The following OVOL2 variants were observed in gnomAD, a reference collection of about 807,000 sequenced individuals.
OVOL2 encodes transcription factor Ovo-like 2.
In OVOL2, 13 loss-of-function variants were observed where a neutral mutation model predicts 18.1. That is an observed-to-expected ratio of 0.72 (90% confidence interval 0.47 to 1.14). The LOEUF is 1.14. OVOL2 is among the 50% of genes most tolerant of loss of function. The probability of loss-of-function intolerance (pLI) is 0.00; values close to 1 mark genes in which losing one functional copy is unlikely to be tolerated. For synonymous variants in OVOL2, 166 were observed against 162.7 expected (o/e 1.02, Z -0.16); for missense variants, 335 against 383.0 (o/e 0.87, Z 1.05).
chr20:18,041,581 C>T lies in OVOL2; in HGVS notation c.464G>A (p.Gly155Asp), dbSNP rs771344382. 38 of 1,614,028 alleles carry T rather than the reference C, an allele frequency of 2.4e-5. No individual in the cohort carries two copies. The highest frequency in any genetic ancestry group is 3.2e-5 in the Non-Finnish European group (38 of 1,179,942). Reference protein sequence around the residue: ...KRHLCTFCGKGFNDTFDLKRH... With the variant: ...KRHLCTFCGKDFNDTFDLKRH... ...CTTCAGGTCGAAGGTGTCGTTGAAG[C>T]CCTTGCCGCAGAAGGTGCACAGGTG... The change falls in exon 3 of 4, where the codon GGC becomes GAC. Residue 155 changes from glycine to aspartate, a missense_variant. Gly to Asp is a moderately conservative substitution (Grantham distance 94). Transcript: ENST00000278780.
upstream of OVOL2, among the ~76,000 whole-genome samples, chr20:18,058,407 C>T (rs181052048): frequency 0.026 from 3,808 of 147,372 alleles, 159 homozygotes; most frequent in African/African-American, 0.093. Context: ...CTACAACACC[C>T]CCCCCCCATA....
At chr20:18,030,983 G>A (rs1167021925) in intron 3 of OVOL2, among the ~76,000 whole-genome samples, 1 of 152,146 alleles carries the variant, frequency 6.6e-6, no homozygotes, top group Non-Finnish European at 1.5e-5. Flanking sequence ...GGTGGCCAGA[G>A]AGGAGCCCTG....
chr20:18,056,707 C>G lies in OVOL2; in HGVS notation c.271G>C (p.Asp91His), dbSNP rs752711961. ...TPEPGDAEGP[D>H]GHLATKQRPV... ...CGCTGCTTGGTCGCCAGGTGTCCAT[C>G]GGGGCCCTCGGCGTCGCCGGGCTCG... Residue 91 changes from aspartate (D) to histidine (H), a missense_variant, in exon 2 of 4, where the codon GAT becomes CAT. Coordinates refer to ENST00000278780, the MANE Select transcript of OVOL2 (RefSeq NM_021220.4). This position sits in a 1 kb window ranked among gnomAD's most constrained non-coding sequence, Gnocchi z 4.2. 3 of 1,458,000 alleles carry G rather than the reference C, an allele frequency of 2.1e-6. No individual in the cohort carries two copies. The highest frequency in any genetic ancestry group is 2.7e-6 in the Non-Finnish European group (3 of 1,110,774). The allele number at this position is 1,458,000 out of a possible 1,614,324, so 90.3% of individuals were successfully genotyped here. A position where few individuals can be genotyped will look rare whatever the true frequency, so the allele number is the denominator to read the frequency against.
In OVOL2 at chr20:18,056,139, G is replaced by A. The variant is rs1218202621; in HGVS notation, c.321+518C>T. On this transcript the variant is annotated intron_variant, in intron 2 of 3. Coordinates refer to ENST00000278780, the MANE Select transcript of OVOL2 (RefSeq NM_021220.4). This position sits in a 1 kb window ranked among gnomAD's most constrained non-coding sequence, Gnocchi z 4.2. ...TCCTGTCTGACAGACACTGGGAACCGGTTCATGTTGGGAGAGGCCCACTAT... is the reference window on the plus strand; with the variant it reads ...TCCTGTCTGACAGACACTGGGAACCAGTTCATGTTGGGAGAGGCCCACTAT... Among the ~76,000 whole-genome samples, 2 of 152,200 alleles carry A rather than the reference G, an allele frequency of 1.3e-5. No homozygotes were observed. Among genetic ancestry groups the A allele is most frequent in the Non-Finnish European group, 1.5e-5 (1 of 68,040 alleles).
chr20:18,042,677 G>T, intron 2 of OVOL2, among the ~76,000 whole-genome samples: 1 of 151,026 alleles, frequency 6.6e-6, no homozygotes, highest in Admixed American at 6.6e-5. Flanking sequence ...TCGGGAAGCA[G>T]AGGCAGGAGA....
At chr20:18,039,032 C>G (rs2036645395) in intron 3 of OVOL2, among the ~76,000 whole-genome samples, 1 of 152,196 alleles carries the variant, frequency 6.6e-6, no homozygotes, top group African/African-American at 2.4e-5. Flanking sequence ...CTAGGAAAAG[C>G]AGCCATATAA....
rs2036826437 is a variant in OVOL2, at chr20:18,056,509, G to A, written c.321+148C>T. On this transcript the variant is annotated intron_variant, in intron 2 of 3. Coordinates refer to ENST00000278780, the MANE Select transcript of OVOL2 (RefSeq NM_021220.4). This position sits in a 1 kb window ranked among gnomAD's most constrained non-coding sequence, Gnocchi z 4.2. ...GCCGAGGCGCCCTGGCCGCCGCCCA[G>A]GGGCAGGTGCAGGAGCGGCGCGGCG... 1.0e-6 allele frequency: 1 copy of A among 993,996 alleles called. No individual in the cohort carries two copies. Among genetic ancestry groups the A allele is most frequent in the Non-Finnish European group, 1.2e-6 (1 of 834,470 alleles). 61.6% of individuals were successfully genotyped at this position (993,996 alleles called of 1,614,324 possible). A position where few individuals can be genotyped will look rare whatever the true frequency, so the allele number is the denominator to read the frequency against.
Position 18,056,741 on chromosome 20 carries a change from GCTCTCGGGGGCGTGCGGGGACGAGCTGCT to G in OVOL2, c.208_236del (p.Ser70ArgfsTer43). The G allele has an allele frequency of 6.7e-7, 1 of 1,484,548 alleles. No individual in the cohort carries two copies. The highest frequency in any genetic ancestry group is 8.9e-7 in the Non-Finnish European group (1 of 1,124,956). The allele number at this position is 1,484,548 out of a possible 1,614,324, so 92.0% of individuals were successfully genotyped here. A position where few individuals can be genotyped will look rare whatever the true frequency, so the allele number is the denominator to read the frequency against. ...CGGCGTCGCCGGGCTCGGGGGTTTC[GCTCTCGGGGGCGTGCGGGGACGAGCTGCT>G]CTCTGCTCCTCCAGGCTCCCCCGCG... On this transcript the variant is annotated frameshift_variant, in exon 2 of 4. Coordinates refer to ENST00000278780, the MANE Select transcript of OVOL2 (RefSeq NM_021220.4). LOFTEE classifies it high-confidence loss of function. This position sits in a 1 kb window ranked among gnomAD's most constrained non-coding sequence, Gnocchi z 4.2.
chr20:18,053,555 G>A (rs1028899347), intron 2 of OVOL2, among the ~76,000 whole-genome samples: 23 of 152,100 alleles, frequency 1.5e-4, no homozygotes, highest in African/African-American at 5.1e-4. Context: ...ACAAAAATCA[G>A]CCAGGCTTTG....
At chr20:18,036,239 G>C (rs1346104140) in intron 3 of OVOL2, among the ~76,000 whole-genome samples, 4 of 152,136 alleles carry the variant, frequency 2.6e-5, no homozygotes, top group Admixed American at 6.5e-5. Context: ...GTTGCAGTGA[G>C]CCAAGATCAA....
At chr20:18,039,607 C>CAAAAA (rs111619803) in intron 3 of OVOL2, among the ~76,000 whole-genome samples, 296 of 86,818 alleles carry the variant, frequency 3.4e-3, no homozygotes, top group South Asian at 6.1e-3. Flanking sequence ...GACGCTGTCT[C>CAAAAA]AAAAAAAAAA....
At chr20:18,041,903 C>CTT (rs555102720) in intron 2 of OVOL2, among the ~76,000 whole-genome samples, 180 bp from the exon 3 acceptor site, 11 of 128,080 alleles carry the variant, frequency 8.6e-5, no homozygotes, top group African/African-American at 1.2e-4. Flanking sequence ...TCCTCCCACC[C>CTT]TTTTTTTTTT....
rs771890564 is a variant in OVOL2 at position 18,057,598 on chromosome 20, C to G, written c.37G>C (p.Gly13Arg). Residue 13 changes from glycine (G) to arginine (R), a missense_variant, in exon 1 of 4, where the codon GGG becomes CGG. By Grantham distance (125) the Gly-to-Arg change is moderately radical (BLOSUM62 -2). Coordinates refer to ENST00000278780, the MANE Select transcript of OVOL2 (RefSeq NM_021220.4). This position sits in a 1 kb window ranked among gnomAD's most constrained non-coding sequence, Gnocchi z 6.3. ...KVFLVKRRSL[G>R]VSVRSWDELP... Reference sequence around the variant, plus strand: ...TCATCCCAGCTGCGGACCGAGACCCCCAGGCTCCTCCTCTTCACCAGGAAG... The same window carrying G: ...TCATCCCAGCTGCGGACCGAGACCCGCAGGCTCCTCCTCTTCACCAGGAAG... 27 of 1,596,272 alleles carry G rather than the reference C, an allele frequency of 1.7e-5. No homozygotes were observed. Among genetic ancestry groups the G allele is most frequent in the Non-Finnish European group, 2.3e-5 (27 of 1,171,232 alleles).
chr20:18,031,539 T>C (rs1421234715), intron 3 of OVOL2, among the ~76,000 whole-genome samples: 1 of 152,100 alleles, frequency 6.6e-6, no homozygotes, highest in Non-Finnish European at 1.5e-5. Flanking sequence ...ATGGCGCCAC[T>C]GCACTCCAAC....
intron 2 of OVOL2, among the ~76,000 whole-genome samples, chr20:18,046,948 A>G (rs2036728481): frequency 6.6e-6 from 1 of 152,102 alleles, no homozygotes; most frequent in Non-Finnish European, 1.5e-5. Flanking sequence ...AGGATCAAAA[A>G]AAAAAAAAAC....
chr20:18,046,902 CA>C (rs760792146), intron 2 of OVOL2, among the ~76,000 whole-genome samples: 2 of 140,450 alleles, frequency 1.4e-5, no homozygotes, highest in Non-Finnish European at 3.1e-5. Context: ...ATGTTAGTTA[CA>C]AAACAATAGT....
chr20:18,049,817 G>C (rs1430106488), intron 2 of OVOL2, among the ~76,000 whole-genome samples: 2 of 152,188 alleles, frequency 1.3e-5, no homozygotes, highest in South Asian at 2.1e-4. Context: ...TGGGGCAGGA[G>C]GAGGGGGCAT....
At chr20:18,044,428 T>G (rs1033752922) in intron 2 of OVOL2, among the ~76,000 whole-genome samples, 2 of 152,180 alleles carry the variant, frequency 1.3e-5, no homozygotes, top group Non-Finnish European at 2.9e-5. Flanking sequence ...AATCAGTATG[T>G]GCTGACCGGC....
intron 3 of OVOL2, among the ~76,000 whole-genome samples, chr20:18,030,229 A>G (rs6045150): frequency 0.14 from 21,070 of 152,152 alleles, 1,617 homozygotes; most frequent in East Asian, 0.32. Flanking sequence ...TTCTGGGCCC[A>G]TGCAGCAGCG....
Sources: gnomAD v4.1 joint callset for allele counts (sites outside exome capture counted in the v4.1 genomes callset) on GRCh38, gnomAD v4.1.1 for gene constraint, Gnocchi (gnomAD v3.1) non-coding constraint, MANE v1.5 for transcripts, NCBI Gene and HGNC (gene_info 2026-07-23, HGNC 2026-07-21) for gene names.